RYR3: variants seen among roughly 807,000 people sequenced by gnomAD.
RYR3 encodes ryanodine receptor 3, also known as brain ryanodine receptor-calcium release channel.
RYR3 carries 207 observed loss-of-function variants against 584.3 expected under a neutral mutation model. That is an observed-to-expected ratio of 0.35 (90% CI 0.32 to 0.40). RYR3 has a LOEUF of 0.40. Ranked by LOEUF, RYR3 falls within the 10% of genes least tolerant of loss-of-function variation. RYR3 has a pLI of 1.00. For missense variants in RYR3, 5,616 were observed against 6,089.2 expected (o/e 0.92, Z 2.59); for synonymous variants, 2,416 against 2,248.5 (o/e 1.07, Z -2.11).
intron 69 of RYR3, among the ~76,000 whole-genome samples, chr15:33,806,815 G>A (rs2076236446): frequency 6.6e-6 from 1 of 150,392 alleles, no homozygotes; most frequent in Non-Finnish European, 1.5e-5. Context: ...GTGCACTGGT[G>A]TGATCATAGC....
At position 33,601,513 on chromosome 15, in the gene RYR3, A is replaced by T; in HGVS notation, c.1883A>T (p.Asn628Ile). The change falls in exon 17 of 104, where the codon AAC (asparagine) becomes ATC (isoleucine). Residue 628 changes from asparagine to isoleucine, a missense_variant. Around this residue, in one of 9 missense-constraint regions of RYR3, gnomAD observed 1,284 missense variants for 1,344.6 expected, o/e 0.95. Transcript: ENST00000634891. The stretch of plus-strand genomic sequence containing the variant: ...TGTGACAACTTGCTGCCCCGGAGAA[A>T]CCTACTCCTGCAGACACGACTGATT... ...LICDNLLPRR[N>I]LLLQTRLIND... 1.2e-6 allele frequency: 2 copies of T among 1,613,722 alleles called. 1 individual carries two copies. Among genetic ancestry groups the T allele is most frequent in the Middle Eastern group, 3.3e-4 (2 of 6,062 alleles).
chr15:33,532,077 G>A (rs2054926400), intron 4 of RYR3, among the ~76,000 whole-genome samples: 1 of 152,098 alleles, frequency 6.6e-6, no homozygotes, highest in African/African-American at 2.4e-5. Flanking sequence ...TACAGCTCTG[G>A]GAATAAAGCC....
chr15:33,656,461 C>T (rs575986452), intron 32 of RYR3, among the ~76,000 whole-genome samples: 13 of 151,210 alleles, frequency 8.6e-5, no homozygotes, highest in East Asian at 5.9e-4. Context: ...GACTGACCCA[C>T]GGCTGGGAAA....
intron 87 of RYR3, among the ~76,000 whole-genome samples, chr15:33,835,573 A>G (rs574388928): frequency 2.0e-5 from 3 of 152,342 alleles, no homozygotes; most frequent in African/African-American, 7.2e-5. Context: ...GAACAAATAA[A>G]TGTAGCATAT....
intron 1 of RYR3, among the ~76,000 whole-genome samples, chr15:33,336,442 G>GAT (rs1172832106): frequency 9.4e-5 from 1 of 10,590 alleles, no homozygotes; most frequent in East Asian, 2.1e-3. Context: ...AAGAAAGAAA[G>GAT]AGAGAGAGAG....
chr15:33,409,361 A>AG (rs2043241202), intron 1 of RYR3, among the ~76,000 whole-genome samples: 1 of 150,864 alleles, frequency 6.6e-6, no homozygotes, highest in Non-Finnish European at 1.5e-5. Flanking sequence ...AAAAAAAAAA[A>AG]GAAAAAAGGC....
intron 67 of RYR3, among the ~76,000 whole-genome samples, chr15:33,789,643 TATATATATATATATA>T (rs1434642472): frequency 3.9e-5 from 1 of 25,714 alleles, no homozygotes; most frequent in Admixed American, 5.3e-4. Context: ...TATATATATA[TATATATATATATATA>T]TTTTTTTTTT....
chr15:33,550,445 A>G, intron 10 of RYR3, 129 bp downstream of exon 10: 1 of 810,186 alleles, frequency 1.2e-6, no homozygotes, highest in Non-Finnish European at 1.9e-6. Context: ...CCTAAGATAG[A>G]TAAACACTTT....
intron 9 of RYR3, among the ~76,000 whole-genome samples, chr15:33,548,612 C>T (rs1001106530): frequency 1.3e-5 from 2 of 152,124 alleles, no homozygotes; most frequent in Non-Finnish European, 2.9e-5. Flanking sequence ...GTCGCGATTG[C>T]ATAAGATAAG....
intron 5 of RYR3, 107 bp downstream of exon 5, chr15:33,533,496 G>C (rs1286549806): frequency 2.9e-6 from 2 of 691,468 alleles, no homozygotes; most frequent in Non-Finnish European, 5.0e-6. Flanking sequence ...AAACCAACCT[G>C]GTTAAGAAAT....
intron 88 of RYR3, among the ~76,000 whole-genome samples, chr15:33,837,285 G>C (rs561467318): frequency 2.0e-5 from 3 of 152,270 alleles, no homozygotes; most frequent in Non-Finnish European, 1.5e-5. Flanking sequence ...CTGGCTGCCA[G>C]TGTGTATGCC....
In RYR3 at chr15:33,563,824, A is replaced by G. The variant is rs2057547862; in HGVS notation, c.1146+814A>G. On this transcript the variant is annotated intron_variant, in intron 11 of 103. Coordinates refer to ENST00000634891, the MANE Select transcript of RYR3 (RefSeq NM_001036.6). The stretch of plus-strand genomic sequence containing the variant: ...CATAAGGTAATACCTTATTACCTTA[A>G]GGCAACACAGACTAGGAAAATATCC... Among the ~76,000 whole-genome samples, 2 of 152,186 alleles carry G rather than the reference A, an allele frequency of 1.3e-5. 1 individual carries two copies. The highest frequency in any genetic ancestry group is 4.2e-4 in the South Asian group (2 of 4,816).
chr15:33,856,790 G>GGGC (rs1567339083), intron 98 of RYR3: 2 of 152,350 alleles, frequency 1.3e-5, no homozygotes, highest in Non-Finnish European at 2.9e-5. Context: ...TCCCAAGTAG[G>GGGC]TGGGATTACA....
At chr15:33,584,251 T>G in intron 14 of RYR3, 144 bp from the exon 15 acceptor site, 1 of 531,016 alleles carries the variant, frequency 1.9e-6, no homozygotes, top group Non-Finnish European at 3.3e-6. Flanking sequence ...AAAGAAAGAA[T>G]TGTGTCAAAG....
chr15:33,820,729 C>T lies in RYR3; in HGVS notation c.10759-27C>T, dbSNP rs183759329. 1.8e-5 allele frequency: 29 copies of T among 1,587,864 alleles called. No homozygotes were observed. In the African/African-American group the frequency reaches 3.1e-4, roughly 17 times the overall value. On this transcript the variant is annotated intron_variant, in intron 77 of 103. Transcript: ENST00000634891. ...TCCCTTTAATTTGATTGTCTGTCTTCTCCCTTCCCTGCTCCATGAAATCCA... is the reference window on the plus strand; with the variant it reads ...TCCCTTTAATTTGATTGTCTGTCTTTTCCCTTCCCTGCTCCATGAAATCCA...
At chr15:33,629,813 T>C (rs1020477630) in intron 21 of RYR3, 127 bp from the exon 22 acceptor site, 4 of 583,756 alleles carry the variant, frequency 6.9e-6, no homozygotes, top group African/African-American at 5.6e-5. Context: ...GAATAGCAAG[T>C]TGCTGTCTTT....
intron 12 of RYR3, among the ~76,000 whole-genome samples, chr15:33,578,712 C>T (rs2058430393): frequency 6.6e-6 from 1 of 151,436 alleles, no homozygotes; most frequent in South Asian, 2.1e-4. Context: ...CACCGTGGCA[C>T]ACGTCTGTGT....
At chr15:33,516,808 C>A (rs1273097189) in intron 3 of RYR3, among the ~76,000 whole-genome samples, 1 of 151,976 alleles carries the variant, frequency 6.6e-6, no homozygotes, top group Admixed American at 6.5e-5. Flanking sequence ...CTGGCTCAGA[C>A]CACCCAGTTT....
intron 38 of RYR3, among the ~76,000 whole-genome samples, chr15:33,671,374 C>T (rs1328841938): frequency 1.3e-5 from 2 of 152,198 alleles, no homozygotes; most frequent in African/African-American, 4.8e-5. Flanking sequence ...TTGGAACACC[C>T]TTTCAAATCG....
Sources: gnomAD v4.1 joint callset for allele counts (sites outside exome capture counted in the v4.1 genomes callset) on GRCh38, gnomAD v4.1.1 for gene constraint, gnomAD v4.1.1 regional missense constraint, MANE v1.5 for transcripts, NCBI Gene and HGNC (gene_info 2026-07-23, HGNC 2026-07-21) for gene names.